The following OSBPL8 variants were observed in gnomAD, a reference collection of about 807,000 sequenced individuals.
OSBPL8 encodes oxysterol binding protein like 8.
A neutral mutation model predicts 125.5 loss-of-function variants in OSBPL8; 59 were observed. The observed-to-expected ratio is 0.47, with a 90% CI of 0.38 to 0.58. The LOEUF is 0.58. Among genes scored for constraint, OSBPL8 ranks in the 20% least tolerant of loss-of-function variants. OSBPL8 has a pLI of 0.00. For synonymous variants in OSBPL8, 330 were observed against 338.9 expected (o/e 0.97, Z 0.29); for missense variants, 758 against 1,047.8 (o/e 0.72, Z 3.82).
chr12:76,418,662 T>C (rs182792989), intron 4 of OSBPL8, among the ~76,000 whole-genome samples: 1 of 151,504 alleles, frequency 6.6e-6, no homozygotes, highest in East Asian at 2.0e-4. Context: ...GAAACCCCCA[T>C]CTCTACTAAA....
At chr12:76,430,389 A>G (rs902962303) in intron 4 of OSBPL8, among the ~76,000 whole-genome samples, 2 of 152,186 alleles carry the variant, frequency 1.3e-5, no homozygotes, top group African/African-American at 4.8e-5. Flanking sequence ...GTCCAGAAAA[A>G]TGGCAAAAGG....
intron 4 of OSBPL8, among the ~76,000 whole-genome samples, chr12:76,415,462 G>A (rs182376371): frequency 5.3e-4 from 80 of 152,098 alleles, no homozygotes; most frequent in African/African-American, 1.9e-3. Context: ...TGGCCAGGCC[G>A]GTCTCGAACT....
chr12:76,427,656 A>G (rs1870308944), intron 4 of OSBPL8, among the ~76,000 whole-genome samples: 1 of 152,080 alleles, frequency 6.6e-6, no homozygotes, highest in South Asian at 2.1e-4. Context: ...TGTGATTTCA[A>G]TTTAATTTCA....
intron 2 of OSBPL8, among the ~76,000 whole-genome samples, chr12:76,475,755 G>A (rs1469427979): frequency 6.6e-6 from 1 of 152,172 alleles, no homozygotes; most frequent in Non-Finnish European, 1.5e-5. Flanking sequence ...GGAAAGGCCA[G>A]GAGAAGGGAA....
At position 76,450,877 on chromosome 12, in the gene OSBPL8, A is replaced by G. The variant is rs1444263619; in HGVS notation, c.191T>C (p.Leu64Pro). The change falls in exon 4 of 24, where the codon CTT (leucine) becomes CCT (proline). Residue 64 changes from leucine (L) to proline (P), a missense_variant. Leu to Pro is a moderately conservative substitution (Grantham distance 98). Around this residue, in one of 3 missense-constraint regions of OSBPL8, gnomAD observed 117 missense variants for 137.1 expected, o/e 0.85. Transcript: ENST00000261183. ...CTGGCTATGAGGACTTGCTGGACTA[A>G]GAGATGGCTGATGCAAATCTTTGGT... ...TPTKDLHQPSLSPASPHSQGF... is the reference protein window; with the variant it reads ...TPTKDLHQPSPSPASPHSQGF... The G allele has an allele frequency of 6.2e-7, 1 of 1,613,288 alleles. No individual in the cohort carries two copies. The highest frequency in any genetic ancestry group is 8.5e-7 in the Non-Finnish European group (1 of 1,179,672).
chr12:76,421,541 C>A (rs1047921734), intron 4 of OSBPL8, among the ~76,000 whole-genome samples: 1 of 151,954 alleles, frequency 6.6e-6, no homozygotes, highest in African/African-American at 2.4e-5. Flanking sequence ...AACACATATA[C>A]CACTTATCAA....
At chr12:76,553,963 T>C (rs1364213478) in intron 1 of OSBPL8, among the ~76,000 whole-genome samples, 1 of 108,096 alleles carries the variant, frequency 9.3e-6, no homozygotes, top group Non-Finnish European at 1.7e-5. Flanking sequence ...GGTGACACAG[T>C]GAGACTCTAT....
intron 9 of OSBPL8, among the ~76,000 whole-genome samples, chr12:76,393,569 G>A (rs577658930): frequency 6.6e-6 from 1 of 151,120 alleles, no homozygotes; most frequent in Admixed American, 6.6e-5. Flanking sequence ...AAATTAGCCG[G>A]GTGTGGTGGC....
intron 1 of OSBPL8, among the ~76,000 whole-genome samples, chr12:76,508,404 A>T (rs1449496465): frequency 2.0e-5 from 3 of 152,192 alleles, no homozygotes; most frequent in Non-Finnish European, 4.4e-5. Flanking sequence ...ATTTACTATG[A>T]AGCTGAAAAT....
At chr12:76,447,480 T>C (rs1356120314) in intron 4 of OSBPL8, among the ~76,000 whole-genome samples, 1 of 152,072 alleles carries the variant, frequency 6.6e-6, no homozygotes, top group Non-Finnish European at 1.5e-5. Flanking sequence ...AATTAAGTAA[T>C]ACCGCAAAGA....
chr12:76,419,167 C>G (rs1869135951), intron 4 of OSBPL8, among the ~76,000 whole-genome samples: 1 of 150,872 alleles, frequency 6.6e-6, no homozygotes, highest in Admixed American at 6.6e-5. Context: ...ACCTAGGAGG[C>G]AGAGGCTGCA....
At chr12:76,447,532 A>T (rs188260285) in intron 4 of OSBPL8, among the ~76,000 whole-genome samples, 42 of 152,174 alleles carry the variant, frequency 2.8e-4, no homozygotes, top group Admixed American at 2.7e-3. Flanking sequence ...TCTACAGGAC[A>T]CTGGCCTAGA....
At chr12:76,557,004 T>A (rs1009550276) in intron 1 of OSBPL8, among the ~76,000 whole-genome samples, 1 of 152,174 alleles carries the variant, frequency 6.6e-6, no homozygotes, top group Non-Finnish European at 1.5e-5. Flanking sequence ...TCTGTCTTAT[T>A]TGCAGGTCAT....
At chr12:76,430,180 T>C (rs1477992152) in intron 4 of OSBPL8, among the ~76,000 whole-genome samples, 2 of 152,122 alleles carry the variant, frequency 1.3e-5, no homozygotes, top group African/African-American at 4.8e-5. Context: ...ATCTACAGAA[T>C]TGACTGAGGC....
At chr12:76,426,268 G>A (rs1305917960) in intron 4 of OSBPL8, among the ~76,000 whole-genome samples, 2 of 152,144 alleles carry the variant, frequency 1.3e-5, no homozygotes, top group Admixed American at 6.6e-5. Flanking sequence ...CTGTATTTCT[G>A]AGTTCTGTCT....
At chr12:76,526,517 T>C (rs944861707) in intron 1 of OSBPL8, among the ~76,000 whole-genome samples, 1 of 151,458 alleles carries the variant, frequency 6.6e-6, no homozygotes, top group African/African-American at 2.4e-5. Context: ...CCTCAACTAA[T>C]AAAATCCATG....
intron 1 of OSBPL8, among the ~76,000 whole-genome samples, chr12:76,499,717 G>A (rs901072737): frequency 6.6e-6 from 1 of 152,070 alleles, no homozygotes; most frequent in Non-Finnish European, 1.5e-5. Flanking sequence ...CGGGCATGGT[G>A]GCTAATCCCT....
chr12:76,500,717 C>CTTTTTTCTT (rs951306294), intron 1 of OSBPL8, among the ~76,000 whole-genome samples: 1 of 152,010 alleles, frequency 6.6e-6, no homozygotes, highest in Non-Finnish European at 1.5e-5. Context: ...GATTTTCCTT[C>CTTTTTTCTT]TTTTTTCTTT....
chr12:76,490,269 C>A (rs986476872), intron 1 of OSBPL8, among the ~76,000 whole-genome samples: 1 of 152,228 alleles, frequency 6.6e-6, no homozygotes, highest in Admixed American at 6.5e-5. Flanking sequence ...AAGCCCCACC[C>A]TCAAGTCGAA....
Sources: allele counts gnomAD v4.1 joint callset (sites outside exome capture counted in the v4.1 genomes callset), GRCh38; gene constraint gnomAD v4.1.1; regional missense constraint gnomAD v4.1.1; transcripts MANE v1.5; gene names NCBI Gene and HGNC (gene_info 2026-07-23, HGNC 2026-07-21).